PRKG1: variants seen among roughly 807,000 people sequenced by gnomAD.
PRKG1 encodes protein kinase cGMP-dependent 1.
A neutral mutation model predicts 88.1 loss-of-function variants in PRKG1; 35 were observed. That is an observed-to-expected ratio of 0.40 (90% CI 0.30 to 0.53). PRKG1 has a LOEUF of 0.53. PRKG1 is among the 20% of genes least tolerant of loss of function. PRKG1 has a pLI of 0.59. For synonymous variants in PRKG1, 303 were observed against 292.5 expected (o/e 1.04, Z -0.37); for missense variants, 540 against 839.8 (o/e 0.64, Z 4.41).
At chr10:51,446,988 C>A (rs1435017156) in intron 2 of PRKG1, among the ~76,000 whole-genome samples, 2 of 151,952 alleles carry the variant, frequency 1.3e-5, no homozygotes, top group South Asian at 2.1e-4. Flanking sequence ...CATCTGCAAG[C>A]CTCTTTCTAG....
At chr10:52,150,174 A>ATT (rs1554810270) in intron 8 of PRKG1, among the ~76,000 whole-genome samples, 96 of 104,898 alleles carry the variant, frequency 9.2e-4, no homozygotes, top group African/African-American at 3.2e-3. Context: ...TAATAATAAT[A>ATT]ATAATAATAA....
intron 2 of PRKG1, among the ~76,000 whole-genome samples, chr10:51,426,529 A>C (rs1183727483): frequency 1.3e-5 from 2 of 152,236 alleles, no homozygotes; most frequent in Non-Finnish European, 2.9e-5. Flanking sequence ...AGATTGCTAG[A>C]GATAGAGAGA....
chr10:51,777,894 T>A (rs76395225), intron 3 of PRKG1, among the ~76,000 whole-genome samples: 11,196 of 152,264 alleles, frequency 0.074, 584 homozygotes, highest in Middle Eastern at 0.13. Flanking sequence ...TCCTTCTTTT[T>A]GAAATTTGCA....
intron 3 of PRKG1, among the ~76,000 whole-genome samples, chr10:51,619,950 G>A (rs1369513052): frequency 6.6e-6 from 1 of 151,956 alleles, no homozygotes; most frequent in Non-Finnish European, 1.5e-5. Context: ...TTTAACTTTG[G>A]AGTTTTCTTT....
chr10:51,473,746 G>C (rs1564513546), intron 3 of PRKG1, among the ~76,000 whole-genome samples: 1 of 141,748 alleles, frequency 7.1e-6, no homozygotes, highest in Non-Finnish European at 1.6e-5. Context: ...CAATAGGCAA[G>C]AAACACTGAT....
intron 5 of PRKG1, among the ~76,000 whole-genome samples, chr10:51,949,434 G>C (rs1040801612): frequency 1.3e-5 from 2 of 151,644 alleles, no homozygotes; most frequent in African/African-American, 4.8e-5. Flanking sequence ...GAAACACAGG[G>C]AGACCTCATG....
intron 2 of PRKG1, among the ~76,000 whole-genome samples, chr10:51,389,930 C>G (rs1837354724): frequency 6.6e-6 from 1 of 152,132 alleles, no homozygotes; most frequent in Non-Finnish European, 1.5e-5. Context: ...AAATTCCCAT[C>G]TGTGGAAAAG....
Position 51,393,992 on chromosome 10 carries a change from G to T in PRKG1, c.479-73731G>T, listed in dbSNP as rs372660073. Among the ~76,000 whole-genome samples, 186 of 152,218 alleles carry T rather than the reference G, an allele frequency of 1.2e-3. 1 individual carries two copies. Among genetic ancestry groups the T allele is most frequent in the Middle Eastern group, 6.8e-3 (2 of 292 alleles). ...AATATATGAAGAAATTCAAGTACAG[G>T]AGTAGCTTCCACTTCTCTTGACCTC... On this transcript the variant is annotated intron_variant, in intron 2 of 17. Coordinates refer to ENST00000373980, the MANE Select transcript of PRKG1 (RefSeq NM_006258.4).
chr10:52,107,383 T>G (rs1234142427), intron 7 of PRKG1, among the ~76,000 whole-genome samples: 3 of 152,178 alleles, frequency 2.0e-5, no homozygotes, highest in African/African-American at 7.2e-5. Flanking sequence ...AAACTAAATG[T>G]ATAATAAAAT....
At chr10:51,244,680 T>C (rs893526373) in intron 2 of PRKG1, among the ~76,000 whole-genome samples, 1 of 152,140 alleles carries the variant, frequency 6.6e-6, no homozygotes, top group Non-Finnish European at 1.5e-5. Flanking sequence ...GACTACATTT[T>C]AGCATGTTTG....
intron 8 of PRKG1, among the ~76,000 whole-genome samples, chr10:52,156,336 A>G (rs1838095596): frequency 6.6e-6 from 1 of 151,958 alleles, no homozygotes; most frequent in Non-Finnish European, 1.5e-5. Context: ...TCAGCTACTC[A>G]TTACTTCTCA....
chr10:51,355,228 C>T (rs1163830028), intron 2 of PRKG1, among the ~76,000 whole-genome samples: 3 of 151,956 alleles, frequency 2.0e-5, no homozygotes, highest in Non-Finnish European at 2.9e-5. Context: ...TTTAGAGGTA[C>T]GTAATACAAA....
At chr10:51,312,883 G>A (rs1841227447) in intron 2 of PRKG1, among the ~76,000 whole-genome samples, 1 of 152,094 alleles carries the variant, frequency 6.6e-6, no homozygotes, top group Non-Finnish European at 1.5e-5. Context: ...GGACTAATCT[G>A]GAGGCCATAC....
intron 4 of PRKG1, among the ~76,000 whole-genome samples, chr10:51,885,770 A>C (rs10762466): frequency 0.42 from 63,246 of 151,910 alleles, 13,494 homozygotes; most frequent in East Asian, 0.62. Flanking sequence ...GATGTTTCCT[A>C]TTCCTTTCCT....
chr10:51,737,238 C>T (rs368755418), intron 3 of PRKG1, among the ~76,000 whole-genome samples: 1 of 152,110 alleles, frequency 6.6e-6, no homozygotes, highest in Non-Finnish European at 1.5e-5. Context: ...TCTTCCCCTG[C>T]CAATTGTTTT....
intron 1 of PRKG1, among the ~76,000 whole-genome samples, chr10:51,044,336 A>G (rs1843461460): frequency 6.6e-6 from 1 of 152,126 alleles, no homozygotes; most frequent in South Asian, 2.1e-4. Flanking sequence ...GAGTTTTGGT[A>G]AAGATATTCC....
At chr10:52,082,550 C>G (rs975807912) in intron 7 of PRKG1, among the ~76,000 whole-genome samples, 1 of 152,110 alleles carries the variant, frequency 6.6e-6, no homozygotes, top group African/African-American at 2.4e-5. Context: ...CTCTGGCAAG[C>G]TGGTGTGAGG....
At chr10:51,706,502 G>A (rs982835609) in intron 3 of PRKG1, among the ~76,000 whole-genome samples, 2 of 151,494 alleles carry the variant, frequency 1.3e-5, no homozygotes, top group East Asian at 3.9e-4. Flanking sequence ...AAGGGATTGC[G>A]AAGTCCAGCC....
chr10:51,263,175 T>G (rs892953773), intron 2 of PRKG1, among the ~76,000 whole-genome samples: 11 of 152,208 alleles, frequency 7.2e-5, no homozygotes, highest in Non-Finnish European at 1.3e-4. Context: ...TGTTCACCCC[T>G]TTTTCTGCAA....
Sources: gnomAD v4.1 joint callset for allele counts (sites outside exome capture counted in the v4.1 genomes callset) on GRCh38, gnomAD v4.1.1 for gene constraint, MANE v1.5 for transcripts, NCBI Gene and HGNC (gene_info 2026-07-23, HGNC 2026-07-21) for gene names.